PPM1A: variants seen among roughly 807,000 people sequenced by gnomAD.
The protein encoded by PPM1A is protein phosphatase 1A.
Under a neutral mutation model 35.0 loss-of-function variants are expected in PPM1A, and 7 were observed. The ratio of observed to expected loss-of-function variants is 0.20; its 90% CI spans 0.11 to 0.38. The LOEUF is 0.38. PPM1A is among the 10% of genes least tolerant of loss of function. PPM1A has a pLI of 1.00. For missense variants in PPM1A, 239 were observed against 467.8 expected (o/e 0.51, Z 4.51); for synonymous variants, 153 against 167.3 (o/e 0.91, Z 0.66).
In PPM1A at chr14:60,292,417, T is replaced by C. The variant is rs1887734925; in HGVS notation, c.1120-36T>C. On this transcript the variant is annotated intron_variant, in intron 5 of 5. Coordinates refer to ENST00000395076, the MANE Select transcript of PPM1A (RefSeq NM_021003.5). The surrounding 1 kb of genome is among the most constrained non-coding windows in gnomAD (Gnocchi z 4.2). ...TGGTGTATTTTGGCACCGCTAAATT[T>C]TAACGTTGTTCCTTATTTTGCTTCC... 1 of 1,549,916 alleles carries C rather than the reference T, an allele frequency of 6.5e-7. No homozygotes were observed. The highest frequency in any genetic ancestry group is 8.9e-7 in the Non-Finnish European group (1 of 1,123,332).
In PPM1A at chr14:60,292,552, T is replaced by G; in HGVS notation, c.*70T>G. 7.3e-7 allele frequency: 1 copy of G among 1,379,060 alleles called. No homozygotes were observed. Among genetic ancestry groups the G allele is most frequent in the Non-Finnish European group, 1.0e-6 (1 of 978,502 alleles). The allele number at this position is 1,379,060 out of a possible 1,614,324, so 85.4% of individuals were successfully genotyped here. ...AGTACAGCTCAACTTTGTTGAAACT[T>G]TTAACATCCATCCTCAACTTTAAGG... On this transcript the variant is annotated 3_prime_UTR_variant, in exon 6 of 6. Coordinates refer to ENST00000395076, the MANE Select transcript of PPM1A (RefSeq NM_021003.5). This position sits in a 1 kb window ranked among gnomAD's most constrained non-coding sequence, Gnocchi z 4.2.
At position 60,273,226 on chromosome 14, in the gene PPM1A, T is replaced by A. The variant is rs1390569719; in HGVS notation, c.-20-9458T>A. Among the ~76,000 whole-genome samples the A allele has an allele frequency of 1.3e-5, 2 of 152,122 alleles. No individual in the cohort carries two copies. Among genetic ancestry groups the A allele is most frequent in the Non-Finnish European group, 2.9e-5 (2 of 68,032 alleles). Reference sequence around the variant, plus strand: ...TACTGTATACTCTGTGCTTGGGGAGTTGACCTAGGGAACTCAAAGGAGGCT... The same window carrying A: ...TACTGTATACTCTGTGCTTGGGGAGATGACCTAGGGAACTCAAAGGAGGCT... On this transcript the variant is annotated intron_variant, in intron 1 of 5. Transcript: ENST00000395076. This position sits in a 1 kb window ranked among gnomAD's most constrained non-coding sequence, Gnocchi z 4.3.
chr14:60,250,715 T>C (rs972038689), intron 1 of PPM1A, among the ~76,000 whole-genome samples: 3 of 152,236 alleles, frequency 2.0e-5, no homozygotes, highest in African/African-American at 4.8e-5. Flanking sequence ...ATTTTAACAA[T>C]TGTTTTGTAA....
Position 60,255,855 on chromosome 14 carries a change from TTTTGGCTTTGAGGG to T in PPM1A, c.-21+6181_-21+6194del, listed in dbSNP as rs1400806951. ...ACAAGCTTCATTTTAACTTCCTACA[TTTTGGCTTTGAGGG>T]TTAACAGGACATTTATAATCACATA... On this transcript the variant is annotated intron_variant, in intron 1 of 5. Transcript: ENST00000395076. 5.3e-5 allele frequency among the ~76,000 whole-genome samples: 8 copies of T among 152,338 alleles called. No individual in the cohort carries two copies. In the East Asian group the frequency reaches 1.5e-3, roughly 29 times the overall value.
At position 60,282,341 on chromosome 14, in the gene PPM1A, A is replaced by G. The variant is rs1401052515; in HGVS notation, c.-20-343A>G. On this transcript the variant is annotated intron_variant, in intron 1 of 5. Transcript: ENST00000395076. This position sits in a 1 kb window ranked among gnomAD's most constrained non-coding sequence, Gnocchi z 5.1. ...GTTTGGCTTTTCTTAATTGATATAC[A>G]TACAACTTAGTCCTGAGCTTACACA... is the stretch of plus-strand genomic sequence containing the variant. Among the ~76,000 whole-genome samples, 1 of 152,256 alleles carries G rather than the reference A, an allele frequency of 6.6e-6. No homozygotes were observed. Among genetic ancestry groups the G allele is most frequent in the East Asian group, 1.9e-4 (1 of 5,202 alleles).
At chr14:60,279,300 A>G (rs548036828) in intron 1 of PPM1A, among the ~76,000 whole-genome samples, 1 of 152,240 alleles carries the variant, frequency 6.6e-6, no homozygotes, top group African/African-American at 2.4e-5. Context: ...TTGTATTAAT[A>G]GAGACAGGGT....
intron 1 of PPM1A, among the ~76,000 whole-genome samples, chr14:60,254,991 G>C (rs1845681645): frequency 6.6e-6 from 1 of 151,980 alleles, no homozygotes; most frequent in Non-Finnish European, 1.5e-5. Flanking sequence ...GCTCATGCTA[G>C]TGTGCAGTCT....
At chr14:60,255,916 A>G (rs2139346312) in intron 1 of PPM1A, among the ~76,000 whole-genome samples, 1 of 152,168 alleles carries the variant, frequency 6.6e-6, no homozygotes, top group East Asian at 1.9e-4. Flanking sequence ...AGTATTTTAC[A>G]TTTGCAAATA....
At chr14:60,287,090 A>G (rs1025055721) in intron 3 of PPM1A, 2 of 948,128 alleles carry the variant, frequency 2.1e-6, no homozygotes, top group African/African-American at 1.8e-5. Context: ...TTGGGCAGAC[A>G]TGTTTTCTTA....
intron 3 of PPM1A, chr14:60,287,114 GTAA>G: frequency 1.1e-6 from 1 of 945,736 alleles, no homozygotes; most frequent in African/African-American, 1.8e-5. Flanking sequence ...GTTTAAAGAA[GTAA>G]TAAGTATTTT....
chr14:60,281,170 AT>A (rs1886372837), intron 1 of PPM1A, among the ~76,000 whole-genome samples: 1 of 152,200 alleles, frequency 6.6e-6, no homozygotes, highest in African/African-American at 2.4e-5. Flanking sequence ...CCTTTATCCA[AT>A]CAAAATACTC....
At chr14:60,265,299 G>C (rs1884241951) in intron 1 of PPM1A, among the ~76,000 whole-genome samples, 1 of 152,088 alleles carries the variant, frequency 6.6e-6, no homozygotes. Context: ...TCATTGGTTG[G>C]AAGAGCCTCT....
chr14:60,250,750 TG>T (rs1882303975), intron 1 of PPM1A, among the ~76,000 whole-genome samples: 1 of 152,348 alleles, frequency 6.6e-6, no homozygotes, highest in South Asian at 2.1e-4. Flanking sequence ...ACTTGCACGT[TG>T]GGGTTTTAAA....
intron 1 of PPM1A, among the ~76,000 whole-genome samples, chr14:60,250,685 A>G (rs77037129): frequency 0.05 from 7,542 of 152,320 alleles, 268 homozygotes; most frequent in Middle Eastern, 0.095. Flanking sequence ...TGATTTTGAC[A>G]TTATTGAGAG....
intron 1 of PPM1A, among the ~76,000 whole-genome samples, chr14:60,279,148 C>T (rs542926244): frequency 1.3e-5 from 2 of 152,288 alleles, no homozygotes; most frequent in East Asian, 1.9e-4. Context: ...GACGTTGTTT[C>T]GCTCTTGCTG....
At chr14:60,268,486 CTATT>C (rs1345437368) in intron 1 of PPM1A, 5 of 750,774 alleles carry the variant, frequency 6.7e-6, no homozygotes, top group East Asian at 1.3e-4. Flanking sequence ...TTTAGTTAGA[CTATT>C]TAGTGGCTTA....
rs1195902653 is a variant in PPM1A, at chr14:60,282,014, T to C, written c.-20-670T>C. On this transcript the variant is annotated intron_variant, in intron 1 of 5. Coordinates refer to ENST00000395076, the MANE Select transcript of PPM1A (RefSeq NM_021003.5). The surrounding 1 kb of genome is among the most constrained non-coding windows in gnomAD (Gnocchi z 5.1). ...ATTTACAGTAATTTAATAACTTAACTGACTTTATCAAAAACTGAAAAACCT... is the reference window on the plus strand; with the variant it reads ...ATTTACAGTAATTTAATAACTTAACCGACTTTATCAAAAACTGAAAAACCT... Among the ~76,000 whole-genome samples, 1 of 152,194 alleles carries C rather than the reference T, an allele frequency of 6.6e-6. No homozygotes were observed. Among genetic ancestry groups the C allele is most frequent in the South Asian group, 2.1e-4 (1 of 4,836 alleles).
intron 1 of PPM1A, among the ~76,000 whole-genome samples, chr14:60,262,426 G>T (rs1883846934): frequency 1.3e-5 from 2 of 152,216 alleles, no homozygotes; most frequent in African/African-American, 4.8e-5. Context: ...GCTCAAGCCT[G>T]TAATCCCAGC....
At chr14:60,255,293 T>A (rs1882974991) in intron 1 of PPM1A, among the ~76,000 whole-genome samples, 1 of 149,344 alleles carries the variant, frequency 6.7e-6, no homozygotes, top group Non-Finnish European at 1.5e-5. Context: ...TGCCTCAGCC[T>A]CCCGAGTAGC....
Sources: allele counts gnomAD v4.1 joint callset (sites outside exome capture counted in the v4.1 genomes callset), GRCh38; gene constraint gnomAD v4.1.1; non-coding constraint Gnocchi (gnomAD v3.1); transcripts MANE v1.5; gene names NCBI Gene and HGNC (gene_info 2026-07-23, HGNC 2026-07-21).